ERVV-2: variants seen among roughly 807,000 people sequenced by gnomAD.
ERVV-2 encodes the protein endogenous retrovirus group V member 2, envelope.
For synonymous variants in ERVV-2, 105 were observed against 184.6 expected, an observed-to-expected ratio of 0.57 and a Z score of 3.49; for missense variants, 291 against 495.1, an observed-to-expected ratio of 0.59 and a Z score of 3.91.
chr19:53,051,414 G>C lies in ERVV-2; in HGVS notation c.*555G>C, dbSNP rs2083913946. 1.3e-5 allele frequency among the ~76,000 whole-genome samples: 2 copies of C among 151,970 alleles called. No homozygotes were observed. Among genetic ancestry groups the C allele is most frequent in the Non-Finnish European group, 2.9e-5 (2 of 68,002 alleles). ...GCTCGCCTCGGCCTCCTAAAGTGCTGGGATTATAGACGTGAGCCACTGCGC... is the reference window on the plus strand; with the variant it reads ...GCTCGCCTCGGCCTCCTAAAGTGCTCGGATTATAGACGTGAGCCACTGCGC... On this transcript the variant is annotated 3_prime_UTR_variant, in exon 2 of 2. Coordinates refer to ENST00000601417, the MANE Select transcript of ERVV-2 (RefSeq NM_001191055.2).
At position 53,046,893 on chromosome 19, in the gene ERVV-2, C is replaced by T. The variant is rs145096780; in HGVS notation, c.-386+1935C>T. Among the ~76,000 whole-genome samples the T allele has an allele frequency of 9.6e-4, 146 of 152,254 alleles. 2 individuals carry two copies. In the East Asian group the frequency reaches 0.021, roughly 22 times the overall value. On this transcript the variant is annotated intron_variant, in intron 1 of 1. Transcript: ENST00000601417. ...ATGGAGAAACCCCGTATCGGCTGGG[C>T]ACGGTGGCTGATGCCTATAATCCCA...
At position 53,049,123 on chromosome 19, in the gene ERVV-2, G is replaced by C; in HGVS notation, c.-129G>C. ...TCTTCTCCTTATTTTGACCCAACTG[G>C]CATGCCACCTGAAGTCCCGATAACA... On this transcript the variant is annotated 5_prime_UTR_variant, in exon 2 of 2. Coordinates refer to ENST00000601417, the MANE Select transcript of ERVV-2 (RefSeq NM_001191055.2). 2.2e-6 allele frequency: 2 copies of C among 894,172 alleles called. No individual in the cohort carries two copies. The highest frequency in any genetic ancestry group is 3.4e-5 in the South Asian group (2 of 58,702). The allele number at this position is 894,172 out of a possible 1,614,324, so 55.4% of individuals were successfully genotyped here.
In ERVV-2 at chr19:53,048,970, C is replaced by G; in HGVS notation, c.-282C>G. The G allele has an allele frequency of 1.7e-6, 1 of 575,350 alleles. No individual in the cohort carries two copies. Among genetic ancestry groups the G allele is most frequent in the Non-Finnish European group, 3.1e-6 (1 of 326,560 alleles). The allele number at this position is 575,350 out of a possible 1,614,324, so 35.6% of individuals were successfully genotyped here. A position where few individuals can be genotyped will look rare whatever the true frequency, so the allele number is the denominator to read the frequency against. On this transcript the variant is annotated 5_prime_UTR_variant, in exon 2 of 2. Coordinates refer to ENST00000601417, the MANE Select transcript of ERVV-2 (RefSeq NM_001191055.2). The stretch of plus-strand genomic sequence containing the variant: ...AGAACAACAGAATTCAGCACCTGAG[C>G]ATTCTTGTGAGCCACTGGAGAACTT...
Position 53,050,127 on chromosome 19 carries a change from T to G in ERVV-2, c.876T>G (p.His292Gln), listed in dbSNP as rs1334188959. 1 of 1,480,584 alleles carries G rather than the reference T, an allele frequency of 6.8e-7. No individual in the cohort carries two copies. The highest frequency in any genetic ancestry group is 2.5e-5 in the East Asian group (1 of 40,724). The allele number at this position is 1,480,584 out of a possible 1,614,324, so 91.7% of individuals were successfully genotyped here. Residue 292 changes from histidine to glutamine, a missense_variant, in exon 2 of 2, where the codon CAT becomes CAG. By Grantham distance (24) the His-to-Gln change is conservative. Transcript: ENST00000601417. Reference protein sequence around the residue: ...NLYTCINNIQHTGECAVGLLG... With the variant: ...NLYTCINNIQQTGECAVGLLG... ...ACACTTGCATTAATAACATCCAACA[T>G]ACGGGAGAATGTGCTGTGGGACTTT...
intron 1 of ERVV-2, among the ~76,000 whole-genome samples, chr19:53,047,401 A>G (rs182166183): frequency 1.3e-5 from 2 of 152,268 alleles, no homozygotes; most frequent in Non-Finnish European, 1.5e-5. Context: ...GGGCACAACT[A>G]CTGGGCTTCC....
chr19:53,046,360 A>T (rs948892365), intron 1 of ERVV-2, among the ~76,000 whole-genome samples: 3 of 151,964 alleles, frequency 2.0e-5, no homozygotes, highest in African/African-American at 7.3e-5. Flanking sequence ...TCCTCAATGG[A>T]ACTGCCTGGC....
Position 53,050,620 on chromosome 19 carries a change from T to A in ERVV-2, c.1369T>A (p.Phe457Ile), listed in dbSNP as rs1298423837. The change falls in exon 2 of 2, where the codon TTT (phenylalanine) becomes ATT (isoleucine). Residue 457 changes from phenylalanine (F) to isoleucine (I), a missense_variant. Transcript: ENST00000601417. ...GTCTGCCCTCCCCTCCCTCAACTGGTTTGTCCCTTTACTGGGACCAGCAAC... is the reference window on the plus strand; with the variant it reads ...GTCTGCCCTCCCCTCCCTCAACTGGATTGTCCCTTTACTGGGACCAGCAAC... ...VKSALPSLNW[F>I]VPLLGPATVI... 8.0e-7 allele frequency: 1 copy of A among 1,249,842 alleles called. No individual in the cohort carries two copies. Among genetic ancestry groups the A allele is most frequent in the Admixed American group, 2.0e-5 (1 of 50,626 alleles). The allele number at this position is 1,249,842 out of a possible 1,614,324, so 77.4% of individuals were successfully genotyped here.
intron 1 of ERVV-2, among the ~76,000 whole-genome samples, chr19:53,046,956 G>A (rs992458215): frequency 6.6e-6 from 1 of 152,136 alleles, no homozygotes; most frequent in Non-Finnish European, 1.5e-5. Context: ...TCACGAGGTC[G>A]GGAGTTTGAG....
chr19:53,050,559 A>C lies in ERVV-2; in HGVS notation c.1308A>C (p.Gly436=). The C allele has an allele frequency of 1.3e-6, 1 of 796,260 alleles. No individual in the cohort carries two copies. Among genetic ancestry groups the C allele is most frequent in the Non-Finnish European group, 2.1e-6 (1 of 470,370 alleles). The allele number at this position is 796,260 out of a possible 1,614,324, so 49.3% of individuals were successfully genotyped here. The change falls in exon 2 of 2, where the codon GGA becomes GGC. Residue 436 remains glycine, a synonymous_variant. Transcript: ENST00000601417. ...CGTGGCTCCATGACTTTGGAAAAGG[A>C]GGTGCTTCAGCAAGGGCCATCTGGG... ...EATWLHDFGK[G]GASARAIWEA... is the part of the protein sequence containing the mutation.
chr19:53,046,836 G>A (rs992113797), intron 1 of ERVV-2, among the ~76,000 whole-genome samples: 18 of 152,166 alleles, frequency 1.2e-4, no homozygotes, highest in African/African-American at 4.3e-4. Context: ...CGTGTCACCC[G>A]AGGTTGTGAG....
At chr19:53,046,471 A>T (rs552226340) in intron 1 of ERVV-2, among the ~76,000 whole-genome samples, 1 of 152,194 alleles carries the variant, frequency 6.6e-6, no homozygotes, top group Non-Finnish European at 1.5e-5. Context: ...CCACCTCATT[A>T]GGCCATTGTA....
Position 53,050,540 on chromosome 19 carries a change from T to G in ERVV-2, c.1289T>G (p.Leu430Arg). 1.3e-6 allele frequency: 1 copy of G among 750,540 alleles called. No individual in the cohort carries two copies. The highest frequency in any genetic ancestry group is 1.5e-5 in the South Asian group (1 of 68,482). The allele number at this position is 750,540 out of a possible 1,614,324, so 46.5% of individuals were successfully genotyped here. A position where few individuals can be genotyped will look rare whatever the true frequency, so the allele number is the denominator to read the frequency against. Reference sequence around the variant, plus strand: ...AAGATCTATGATGAGGCTACGTGGCTCCATGACTTTGGAAAAGGAGGTGCT... The same window carrying G: ...AAGATCTATGATGAGGCTACGTGGCGCCATGACTTTGGAAAAGGAGGTGCT... ...IKKIYDEATWLHDFGKGGASA... is the reference protein window; with the variant it reads ...IKKIYDEATWRHDFGKGGASA... The change falls in exon 2 of 2, where the codon CTC (leucine) becomes CGC (arginine). Residue 430 changes from leucine (L) to arginine (R), a missense_variant. Physicochemically the swap from Leu to Arg is moderately radical, Grantham distance 102. Transcript: ENST00000601417.
Position 53,051,502 on chromosome 19 carries a change from A to G in ERVV-2, c.*643A>G, listed in dbSNP as rs1022879468. On this transcript the variant is annotated 3_prime_UTR_variant, in exon 2 of 2. Coordinates refer to ENST00000601417, the MANE Select transcript of ERVV-2 (RefSeq NM_001191055.2). ...AAAAATCATGTAAGGTTCTCATAAA[A>G]ACATCTGCCCAGCCATTAGTAGGAG... Among the ~76,000 whole-genome samples the G allele has an allele frequency of 6.6e-6, 1 of 152,086 alleles. No individual in the cohort carries two copies. The highest frequency in any genetic ancestry group is 1.5e-5 in the Non-Finnish European group (1 of 68,018).
chr19:53,045,341 C>T (rs1230145445), intron 1 of ERVV-2, among the ~76,000 whole-genome samples: 2 of 151,928 alleles, frequency 1.3e-5, no homozygotes, highest in Admixed American at 6.6e-5. Context: ...CTCACTCTGT[C>T]GCCCAGGCTG....
At position 53,047,241 on chromosome 19, in the gene ERVV-2, A is replaced by G. The variant is rs545641113; in HGVS notation, c.-385-1626A>G. ...TGGACACCAGTAATCCCAGCTACTC[A>G]GGAGGCTGAGGCAGAAGAATCGCTT... On this transcript the variant is annotated intron_variant, in intron 1 of 1. Transcript: ENST00000601417. 5.3e-5 allele frequency among the ~76,000 whole-genome samples: 8 copies of G among 152,154 alleles called. No individual in the cohort carries two copies. The East Asian group carries it at 1.2e-3, about 22-fold the overall frequency.
rs549357363 is a variant in ERVV-2, at chr19:53,046,895, C to T, written c.-386+1937C>T. Among the ~76,000 whole-genome samples, 13 of 152,198 alleles carry T rather than the reference C, an allele frequency of 8.5e-5. No individual in the cohort carries two copies. In the East Asian group the frequency reaches 1.2e-3, roughly 14 times the overall value. On this transcript the variant is annotated intron_variant, in intron 1 of 1. Coordinates refer to ENST00000601417, the MANE Select transcript of ERVV-2 (RefSeq NM_001191055.2). ...GGAGAAACCCCGTATCGGCTGGGCACGGTGGCTGATGCCTATAATCCCAGC... is the reference window on the plus strand; with the variant it reads ...GGAGAAACCCCGTATCGGCTGGGCATGGTGGCTGATGCCTATAATCCCAGC...
rs1294449668 is a variant in ERVV-2, at chr19:53,051,398, G to A, written c.*539G>A. Among the ~76,000 whole-genome samples the A allele has an allele frequency of 2.6e-5, 4 of 151,806 alleles. No homozygotes were observed. Among genetic ancestry groups the A allele is most frequent in the East Asian group, 3.9e-4 (2 of 5,156 alleles). ...TGACTTCAGGTGATTCGCTCGCCTC[G>A]GCCTCCTAAAGTGCTGGGATTATAG... On this transcript the variant is annotated 3_prime_UTR_variant, in exon 2 of 2. Coordinates refer to ENST00000601417, the MANE Select transcript of ERVV-2 (RefSeq NM_001191055.2).
chr19:53,045,150 T>C (rs746438996), intron 1 of ERVV-2, among the ~76,000 whole-genome samples, 192 bp downstream of exon 1: 22 of 152,138 alleles, frequency 1.4e-4, no homozygotes, highest in Non-Finnish European at 2.4e-4. Context: ...CTCTGGCTGA[T>C]TTCTCAGCTC....
intron 1 of ERVV-2, among the ~76,000 whole-genome samples, chr19:53,047,136 G>A (rs1297829278): frequency 6.6e-6 from 1 of 151,024 alleles, no homozygotes; most frequent in Admixed American, 6.6e-5. Context: ...TCCAGCCTGG[G>A]TGACAAAGTG....
Sources: gnomAD v4.1 joint callset for allele counts (sites outside exome capture counted in the v4.1 genomes callset) on GRCh38, gnomAD v4.1.1 for gene constraint, MANE v1.5 for transcripts, NCBI Gene and HGNC (gene_info 2026-07-23, HGNC 2026-07-21) for gene names.